The following EYS variants were observed in gnomAD, a reference collection of about 807,000 sequenced individuals.
The protein encoded by EYS is protein eyes shut homolog.
Under a neutral mutation model 282.1 loss-of-function variants are expected in EYS, and 250 were observed. That is an observed-to-expected ratio of 0.89 (90% CI 0.80 to 0.98). The LOEUF is 0.98. EYS is among the 50% of genes least tolerant of loss of function. The pLI is 0.00. For synonymous variants in EYS, 1,355 were observed against 1,282.9 expected, an observed-to-expected ratio of 1.06 and a Z score of -1.20; for missense variants, 4,016 against 3,709.0, an observed-to-expected ratio of 1.08 and a Z score of -2.15.
chr6:64,791,373 C>T (rs1162587044), intron 22 of EYS, among the ~76,000 whole-genome samples: 1 of 151,654 alleles, frequency 6.6e-6, no homozygotes, highest in African/African-American at 2.4e-5. Flanking sequence ...TTGCCATTTC[C>T]ACACTATATT....
At chr6:64,699,366 T>A (rs976994127) in intron 22 of EYS, among the ~76,000 whole-genome samples, 1 of 152,042 alleles carries the variant, frequency 6.6e-6, no homozygotes, top group Non-Finnish European at 1.5e-5. Flanking sequence ...AAAAGATAAC[T>A]ATTGGGTACT....
intron 5 of EYS, among the ~76,000 whole-genome samples, chr6:65,450,336 G>C (rs1281874970): frequency 1.3e-5 from 2 of 152,082 alleles, no homozygotes; most frequent in African/African-American, 2.4e-5. Flanking sequence ...GGGAAAAGCA[G>C]TCATTCTTAT....
In EYS at chr6:65,626,541, T is replaced by A. The variant is rs1276366791; in HGVS notation, c.-333+13237A>T. ...ATGAATAAACTAAACCTTAATCCAC[T>A]CCCTGTATAATTGAATCTGTTTTAA... On this transcript the variant is annotated intron_variant, in intron 2 of 42. Transcript: ENST00000503581. Among the ~76,000 whole-genome samples, 3 of 152,118 alleles carry A rather than the reference T, an allele frequency of 2.0e-5. No individual in the cohort carries two copies. The East Asian group carries it at 5.8e-4, about 29-fold the overall frequency.
At chr6:63,997,433 G>C (rs1269338902) in intron 34 of EYS, among the ~76,000 whole-genome samples, 1 of 152,174 alleles carries the variant, frequency 6.6e-6, no homozygotes, top group African/African-American at 2.4e-5. Flanking sequence ...TTAGAAGGTA[G>C]CAGTGATTCA....
chr6:65,429,729 AT>A (rs199829669), intron 5 of EYS, among the ~76,000 whole-genome samples: 170 of 150,792 alleles, frequency 1.1e-3, no homozygotes, highest in African/African-American at 1.6e-3. Context: ...ATTGAGAATG[AT>A]TTTTTTTTTC....
At chr6:64,381,462 T>C (rs994056688) in intron 29 of EYS, among the ~76,000 whole-genome samples, 3 of 152,234 alleles carry the variant, frequency 2.0e-5, no homozygotes, top group African/African-American at 7.2e-5. Flanking sequence ...GATATTTGTT[T>C]ATGACTTTCT....
At chr6:65,499,265 T>A (rs1176711657) in intron 2 of EYS, among the ~76,000 whole-genome samples, 1 of 152,026 alleles carries the variant, frequency 6.6e-6, no homozygotes, top group Non-Finnish European at 1.5e-5. Flanking sequence ...GGTAATAAGT[T>A]TAAACAAATA....
chr6:64,443,825 C>T (rs1478056205), intron 26 of EYS, among the ~76,000 whole-genome samples: 12 of 152,038 alleles, frequency 7.9e-5, no homozygotes, highest in Non-Finnish European at 2.9e-5. Context: ...ACTGTAAGTC[C>T]AATAAAACTC....
At chr6:65,261,149 G>T (rs1767609836) in intron 12 of EYS, among the ~76,000 whole-genome samples, 1 of 151,958 alleles carries the variant, frequency 6.6e-6, no homozygotes, top group South Asian at 2.1e-4. Context: ...TGTCACTCAG[G>T]TTCTGTTGGA....
chr6:65,098,189 G>T (rs186838344), intron 12 of EYS, among the ~76,000 whole-genome samples: 1 of 150,678 alleles, frequency 6.6e-6, no homozygotes, highest in East Asian at 1.9e-4. Flanking sequence ...CATTGCAGTA[G>T]TCAGGATATA....
intron 38 of EYS, 61 bp downstream of exon 38, chr6:63,788,997 C>G: frequency 9.3e-6 from 14 of 1,505,596 alleles, no homozygotes; most frequent in Non-Finnish European, 1.3e-5. Context: ...TATCTTAGCA[C>G]AGATCTGACA....
intron 12 of EYS, among the ~76,000 whole-genome samples, chr6:65,241,469 A>C (rs9445489): frequency 0.013 from 2,004 of 152,220 alleles, 29 homozygotes; most frequent in African/African-American, 0.04. Context: ...CAAAACTCAT[A>C]ATCCACTCCA....
chr6:64,336,038 T>C (rs1363308848), intron 29 of EYS, among the ~76,000 whole-genome samples: 2 of 151,678 alleles, frequency 1.3e-5, no homozygotes, highest in Non-Finnish European at 2.9e-5. Context: ...AAAGCATAAA[T>C]CACACATGAC....
intron 12 of EYS, among the ~76,000 whole-genome samples, chr6:65,278,877 C>T (rs74557086): frequency 0.046 from 7,030 of 152,104 alleles, 218 homozygotes; most frequent in South Asian, 0.089. Flanking sequence ...TAAGAGGGTC[C>T]TATGAGGTGT....
intron 35 of EYS, among the ~76,000 whole-genome samples, chr6:63,895,086 G>T (rs1773502534): frequency 6.6e-6 from 1 of 151,364 alleles, no homozygotes; most frequent in Non-Finnish European, 1.5e-5. Context: ...TCTGTTCTGG[G>T]TCACCCCCCA....
intron 19 of EYS, among the ~76,000 whole-genome samples, chr6:64,849,783 T>C (rs1055187837): frequency 5.9e-5 from 9 of 151,986 alleles, no homozygotes; most frequent in African/African-American, 1.9e-4. Context: ...CCTGTGTACC[T>C]TCTCATGTAG....
chr6:65,157,255 A>G (rs955582206), intron 12 of EYS, among the ~76,000 whole-genome samples: 3 of 151,046 alleles, frequency 2.0e-5, no homozygotes, highest in Admixed American at 6.6e-5. Context: ...TAAAATAATT[A>G]TAACAACTTG....
At chr6:65,312,618 A>G (rs71572518) in intron 11 of EYS, among the ~76,000 whole-genome samples, 4,832 of 152,290 alleles carry the variant, frequency 0.032, 107 homozygotes, top group South Asian at 0.045. Flanking sequence ...ATTTCCAGAT[A>G]AAATGCCCAA....
intron 26 of EYS, among the ~76,000 whole-genome samples, chr6:64,507,611 C>T (rs1420435958): frequency 6.6e-6 from 1 of 151,380 alleles, no homozygotes; most frequent in African/African-American, 2.4e-5. Flanking sequence ...CAACTTGGTT[C>T]CTAGATATAT....
Sources: allele counts gnomAD v4.1 joint callset (sites outside exome capture counted in the v4.1 genomes callset), GRCh38; gene constraint gnomAD v4.1.1; transcripts MANE v1.5; gene names NCBI Gene and HGNC (gene_info 2026-07-23, HGNC 2026-07-21).